Variants in PKP4 observed in about 807,000 individuals in gnomAD.
The protein encoded by PKP4 is plakophilin 4.
In PKP4, 90 loss-of-function variants were observed where a neutral mutation model predicts 145.1. The observed-to-expected ratio is 0.62, with a 90% CI of 0.52 to 0.74. The LOEUF (loss-of-function observed/expected upper bound fraction) is 0.74, where lower values mean the gene tolerates loss of function less well. Ranked by LOEUF, PKP4 falls within the 30% of genes least tolerant of loss-of-function variation. The probability of loss-of-function intolerance (pLI) is 0.00; values close to 1 mark genes in which losing one functional copy is unlikely to be tolerated. For missense variants in PKP4, 1,340 were observed against 1,482.7 expected (o/e 0.90, Z 1.58); for synonymous variants, 563 against 577.2 (o/e 0.98, Z 0.35).
At chr2:158,615,875 TTTTTAGA>T (rs1225645384) in intron 4 of PKP4, among the ~76,000 whole-genome samples, 1 of 152,130 alleles carries the variant, frequency 6.6e-6, no homozygotes, top group Non-Finnish European at 1.5e-5. Flanking sequence ...ACGGGTAAAA[TTTTTAGA>T]GCCATTGCCT....
chr2:158,680,360 T>G (rs2058360255), intron 21 of PKP4, 69 bp from the exon 22 acceptor site: 2 of 1,189,906 alleles, frequency 1.7e-6, no homozygotes, highest in Non-Finnish European at 2.4e-6. Context: ...GAAGCCCACA[T>G]TAATTTTCCT....
chr2:158,640,938 G>T (rs2054228273), intron 10 of PKP4, among the ~76,000 whole-genome samples, 179 bp downstream of exon 10: 1 of 152,152 alleles, frequency 6.6e-6, no homozygotes, highest in African/African-American at 2.4e-5. Context: ...GAAAAACTAG[G>T]ATACATATAT....
At chr2:158,642,733 A>C (rs1473062630) in intron 11 of PKP4, 34 bp downstream of exon 11, 1 of 1,506,114 alleles carries the variant, frequency 6.6e-7, no homozygotes, top group Non-Finnish European at 9.1e-7. Context: ...CCTAGAGGAA[A>C]TGTTGAAAAC....
intron 1 of PKP4, chr2:158,458,095 G>C (rs1380307386): frequency 1.3e-5 from 2 of 152,780 alleles, no homozygotes; most frequent in Non-Finnish European, 2.9e-5. Context: ...GAGGTGCCGC[G>C]GCGGCCGTGG....
intron 2 of PKP4, among the ~76,000 whole-genome samples, chr2:158,559,252 G>A (rs2046330964): frequency 6.6e-6 from 1 of 152,006 alleles, no homozygotes; most frequent in Non-Finnish European, 1.5e-5. Flanking sequence ...TCAACCCATA[G>A]CTTGCTCTGT....
chr2:158,501,940 A>G (rs1034323509), intron 1 of PKP4, among the ~76,000 whole-genome samples: 1 of 152,166 alleles, frequency 6.6e-6, no homozygotes, highest in African/African-American at 2.4e-5. Flanking sequence ...GCTTTCCTGA[A>G]TGTGTGCCTC....
intron 16 of PKP4, among the ~76,000 whole-genome samples, chr2:158,667,633 C>A (rs889446794): frequency 5.3e-5 from 8 of 152,214 alleles, no homozygotes; most frequent in African/African-American, 4.8e-5. Flanking sequence ...TGATGACTTA[C>A]AATGGAAGCC....
intron 6 of PKP4, 149 bp downstream of exon 6, chr2:158,621,570 A>G (rs1285575435): frequency 6.5e-6 from 4 of 616,580 alleles, no homozygotes; most frequent in Non-Finnish European, 1.1e-5. Flanking sequence ...ACATGGCGAA[A>G]CCCCGTCTCT....
chr2:158,560,765 A>G (rs562457393), intron 2 of PKP4, among the ~76,000 whole-genome samples: 2 of 152,214 alleles, frequency 1.3e-5, no homozygotes, highest in African/African-American at 4.8e-5. Flanking sequence ...TTCACACCCA[A>G]CTCCTCTGAT....
chr2:158,659,596 T>G (rs1331974451), intron 12 of PKP4: 2 of 152,158 alleles, frequency 1.3e-5, no homozygotes, highest in African/African-American at 4.8e-5. Context: ...ACTTTGGTGG[T>G]CAGGGGGTCT....
intron 2 of PKP4, among the ~76,000 whole-genome samples, chr2:158,555,015 G>A (rs969780157): frequency 2.6e-5 from 4 of 152,098 alleles, no homozygotes; most frequent in African/African-American, 9.7e-5. Flanking sequence ...AGCTTCCAAA[G>A]AATATATCTC....
intron 11 of PKP4, among the ~76,000 whole-genome samples, chr2:158,657,405 A>T (rs1302315679): frequency 6.6e-6 from 1 of 152,248 alleles, no homozygotes; most frequent in African/African-American, 2.4e-5. Flanking sequence ...AAATCTTGAT[A>T]TGAATTACAA....
chr2:158,606,109 C>T lies in PKP4; in HGVS notation c.280+3005C>T, dbSNP rs537113219. Among the ~76,000 whole-genome samples, 5 of 152,234 alleles carry T rather than the reference C, an allele frequency of 3.3e-5. No individual in the cohort carries two copies. The South Asian group carries it at 6.2e-4, about 19-fold the overall frequency. On this transcript the variant is annotated intron_variant, in intron 4 of 21. Coordinates refer to ENST00000389759, the MANE Select transcript of PKP4 (RefSeq NM_003628.6). The stretch of plus-strand genomic sequence containing the variant: ...GTTTTGAATATATGTTTTCAGTTCT[C>T]TTAAGTATAAACCTATTAGTGGAAT...
chr2:158,676,068 G>A (rs575999937), intron 19 of PKP4, among the ~76,000 whole-genome samples: 1 of 152,146 alleles, frequency 6.6e-6, no homozygotes, highest in Non-Finnish European at 1.5e-5. Context: ...CTGAAGCTGG[G>A]GTAAAACAGT....
rs147295037 is a variant in PKP4, at chr2:158,679,985, T to C, written c.3331-444T>C. Among the ~76,000 whole-genome samples the C allele has an allele frequency of 3.9e-3, 594 of 152,348 alleles. 4 individuals carry two copies. The highest frequency in any genetic ancestry group is 0.014 in the African/African-American group (577 of 41,576). ...AAAAGATGGTTCGGTAATTATACAATTATCCAAGGCCCAGAAACCCAGTCC... is the reference window on the plus strand; with the variant it reads ...AAAAGATGGTTCGGTAATTATACAACTATCCAAGGCCCAGAAACCCAGTCC... On this transcript the variant is annotated intron_variant, in intron 21 of 21. Transcript: ENST00000389759.
chr2:158,458,400 G>A (rs561537476), intron 1 of PKP4: 26 of 152,786 alleles, frequency 1.7e-4, no homozygotes, highest in African/African-American at 6.0e-4. Flanking sequence ...CTAGCCTTTC[G>A]TCTGGGTTTT....
At chr2:158,469,861 T>C (rs1042586593) in intron 1 of PKP4, among the ~76,000 whole-genome samples, 2 of 152,226 alleles carry the variant, frequency 1.3e-5, no homozygotes, top group African/African-American at 4.8e-5. Context: ...AAGTTGTGTA[T>C]TTCCTGAAGG....
At chr2:158,467,673 C>T (rs1230409467) in intron 1 of PKP4, among the ~76,000 whole-genome samples, 36 of 151,910 alleles carry the variant, frequency 2.4e-4, no homozygotes, top group Admixed American at 2.3e-3. Flanking sequence ...TAGCCAGACG[C>T]TGTCTCTAAA....
intron 4 of PKP4, among the ~76,000 whole-genome samples, chr2:158,620,124 G>C (rs1445353907): frequency 6.6e-6 from 1 of 152,016 alleles, no homozygotes; most frequent in Non-Finnish European, 1.5e-5. Flanking sequence ...TAGCATTTCT[G>C]AAAGAAAGTT....
Sources: gnomAD v4.1 joint callset for allele counts (sites outside exome capture counted in the v4.1 genomes callset) on GRCh38, gnomAD v4.1.1 for gene constraint, MANE v1.5 for transcripts, NCBI Gene and HGNC (gene_info 2026-07-23, HGNC 2026-07-21) for gene names.